Variants in DMD observed in about 807,000 individuals in gnomAD.
DMD encodes mutant dystrophin.
In DMD, 63 loss-of-function variants were observed where a neutral mutation model predicts 330.1. The ratio of observed to expected loss-of-function variants is 0.19; its 90% CI spans 0.16 to 0.24. DMD has a LOEUF of 0.24. Ranked by LOEUF, DMD falls within the 10% of genes least tolerant of loss-of-function variation. The pLI, the probability that DMD is intolerant of heterozygous loss-of-function variation, is 1.00. For synonymous variants in DMD, 1,223 were observed against 959.8 expected, an observed-to-expected ratio of 1.27 and a Z score of -5.07; for missense variants, 3,344 against 2,684.1, an observed-to-expected ratio of 1.25 and a Z score of -5.43.
At chrX:31,611,245 T>A (rs2077900990) in intron 55 of DMD, among the ~76,000 whole-genome samples, 1 of 110,283 alleles carries the variant, frequency 9.1e-6, no homozygotes, top group Non-Finnish European at 1.9e-5. Flanking sequence ...GCATTTTTAA[T>A]AAAGTTTCCA....
intron 1 of DMD, among the ~76,000 whole-genome samples, chrX:33,048,628 A>G (rs928335077): frequency 1.1e-5 from 1 of 89,069 alleles, no homozygotes; most frequent in Non-Finnish European, 2.1e-5. Flanking sequence ...CGGGAGGTGG[A>G]GGTTGCAGTG....
intron 38 of DMD, 34 bp downstream of exon 38, chrX:32,348,372 T>A: frequency 1.7e-6 from 2 of 1,187,195 alleles, no homozygotes; most frequent in South Asian, 3.5e-5. Flanking sequence ...TTTCCACTCC[T>A]AGTTCATTCA....
At chrX:33,250,178 T>C (rs2052750822) in intron 1 of DMD, among the ~76,000 whole-genome samples, 2 of 103,659 alleles carry the variant, frequency 1.9e-5, no homozygotes. Flanking sequence ...CCCAACCTTT[T>C]TGGCACTAGG....
chrX:33,101,268 A>G (rs2095235585), intron 1 of DMD, among the ~76,000 whole-genome samples: 1 of 112,030 alleles, frequency 8.9e-6, no homozygotes, highest in African/African-American at 3.2e-5. Context: ...GAGCTGTAAA[A>G]TCTTGTGTAA....
chrX:32,574,726 T>C (rs1008141413), intron 13 of DMD, among the ~76,000 whole-genome samples: 1 of 111,595 alleles, frequency 9.0e-6, no homozygotes, highest in African/African-American at 3.3e-5. Context: ...TTATATAGAA[T>C]TAGAGTTAGA....
chrX:31,497,439 TC>T (rs1444131031), intron 56 of DMD, among the ~76,000 whole-genome samples: 1 of 111,638 alleles, frequency 9.0e-6, no homozygotes, highest in African/African-American at 3.3e-5. Context: ...CTGCTCCTCT[TC>T]CCAAATGCGT....
chrX:32,156,120 G>T lies in DMD; in HGVS notation c.6438+60796C>A, dbSNP rs764010745. Reference sequence around the variant, plus strand: ...CTATTGCCTGGGCACGGTGGCTCACGCCTGTAAACCCAGCACTTTGGGAGG... The same window carrying T: ...CTATTGCCTGGGCACGGTGGCTCACTCCTGTAAACCCAGCACTTTGGGAGG... On this transcript the variant is annotated intron_variant, in intron 44 of 78. Coordinates refer to ENST00000357033, the MANE Select transcript of DMD (RefSeq NM_004006.3). 4.5e-5 allele frequency among the ~76,000 whole-genome samples: 5 copies of T among 112,167 alleles called. No homozygotes were observed. In the South Asian group the frequency reaches 1.9e-3, roughly 42 times the overall value.
At chrX:31,264,705 A>T (rs967013324) in intron 62 of DMD, among the ~76,000 whole-genome samples, 1 of 111,745 alleles carries the variant, frequency 8.9e-6, no homozygotes, top group Non-Finnish European at 1.9e-5. Flanking sequence ...AAAGTCATCG[A>T]CTATGACAAA....
intron 43 of DMD, among the ~76,000 whole-genome samples, chrX:32,284,362 C>G (rs1291889171): frequency 8.9e-6 from 1 of 111,799 alleles, no homozygotes. Context: ...CCTTATTTTA[C>G]TGGCTGGTTG....
chrX:32,132,407 T>C (rs35144963), intron 44 of DMD, among the ~76,000 whole-genome samples: 8,123 of 111,487 alleles, frequency 0.073, 326 homozygotes, highest in African/African-American at 0.16. Flanking sequence ...AGGAGGAATA[T>C]TTCATTTTTC....
intron 2 of DMD, among the ~76,000 whole-genome samples, chrX:32,889,025 G>C (rs1194991437): frequency 9.1e-6 from 1 of 110,404 alleles, no homozygotes; most frequent in Non-Finnish European, 1.9e-5. Context: ...GTAGAAACAA[G>C]AGTGTGTTCC....
intron 1 of DMD, among the ~76,000 whole-genome samples, chrX:33,113,024 T>C (rs1431842449): frequency 2.8e-5 from 3 of 108,871 alleles, no homozygotes; most frequent in Middle Eastern, 4.8e-3. Context: ...ATACCGTCCA[T>C]TGTATTAGCA....
Position 31,255,042 on chromosome X carries a change from CAA to C in DMD, c.9286+5911_9286+5912del, listed in dbSNP as rs200072850. 2.8e-4 allele frequency among the ~76,000 whole-genome samples: 13 copies of C among 46,791 alleles called. No individual in the cohort carries two copies. In the South Asian group the frequency reaches 9.8e-3, roughly 35 times the overall value. The allele number at this position is 46,791 out of a possible 115,157, so 40.6% of individuals were successfully genotyped here. ...TCTATGTGACAGAGCAAGATGCTGT[CAA>C]AAAAAAAAAAAAAAACCCCAATAAA... On this transcript the variant is annotated intron_variant, in intron 63 of 78. Transcript: ENST00000357033.
intron 52 of DMD, among the ~76,000 whole-genome samples, chrX:31,684,019 CATAG>C (rs1417708921): frequency 9.0e-6 from 1 of 111,559 alleles, no homozygotes; most frequent in Non-Finnish European, 1.9e-5. Flanking sequence ...TCTAAGGTCA[CATAG>C]ATAGTGATTG....
chrX:32,912,883 T>C (rs769477779), intron 2 of DMD, among the ~76,000 whole-genome samples: 2 of 112,423 alleles, frequency 1.8e-5, no homozygotes, highest in South Asian at 7.3e-4. Flanking sequence ...TTGGTTATGA[T>C]TGAAACTGTA....
intron 1 of DMD, among the ~76,000 whole-genome samples, chrX:33,069,264 G>A (rs933524390): frequency 5.4e-5 from 6 of 110,227 alleles, no homozygotes; most frequent in Admixed American, 9.8e-5. Flanking sequence ...TTTGCTCCCC[G>A]TGTTGCTCTA....
intron 42 of DMD, among the ~76,000 whole-genome samples, chrX:32,303,068 C>T (rs1379414614): frequency 9.0e-6 from 1 of 111,589 alleles, no homozygotes; most frequent in African/African-American, 3.2e-5. Flanking sequence ...TTCCCTGTCA[C>T]ACATTTTCAT....
chrX:32,456,958 TAA>T (rs59677275), intron 25 of DMD, among the ~76,000 whole-genome samples: 34,631 of 79,861 alleles, frequency 0.43, 6,967 homozygotes, highest in Admixed American at 0.6. Context: ...TCCAGATTGT[TAA>T]AAAAAAAAAA....
chrX:32,306,923 T>C (rs1388794235), intron 42 of DMD, among the ~76,000 whole-genome samples: 1 of 111,431 alleles, frequency 9.0e-6, no homozygotes, highest in Admixed American at 9.6e-5. Flanking sequence ...TTATAAGCTA[T>C]GTTCTTATTT....
Sources: gnomAD v4.1 joint callset for allele counts (sites outside exome capture counted in the v4.1 genomes callset) on GRCh38, gnomAD v4.1.1 for gene constraint, MANE v1.5 for transcripts, NCBI Gene and HGNC (gene_info 2026-07-23, HGNC 2026-07-21) for gene names.